AFG2A: variants seen among roughly 807,000 people sequenced by gnomAD.
AFG2A encodes the protein AAA ATPase AFG2A.
At chr4:123,252,031 G>A in the AFG2A span, among the ~76,000 whole-genome samples, 2 of 151,994 alleles carry the variant, frequency 1.3e-5, no homozygotes, top group African/African-American at 2.4e-5. Context: ...TCCATGATTA[G>A]AGTTTGGGAA....
the AFG2A span, among the ~76,000 whole-genome samples, chr4:123,010,142 T>C: frequency 6.6e-6 from 1 of 152,202 alleles, no homozygotes; most frequent in Non-Finnish European, 1.5e-5. Context: ...GCATAACTTT[T>C]CCATTATTCA....
chr4:123,036,384 G>T, the AFG2A span, among the ~76,000 whole-genome samples: 1 of 152,142 alleles, frequency 6.6e-6, no homozygotes, highest in African/African-American at 2.4e-5. Flanking sequence ...GGTTGGAGGT[G>T]AGAGAGAAAA....
At chr4:122,971,061 A>AT in the AFG2A span, among the ~76,000 whole-genome samples, 6 of 151,984 alleles carry the variant, frequency 3.9e-5, no homozygotes, top group East Asian at 3.9e-4. Flanking sequence ...AGAAAAAGTA[A>AT]TTTTTTTTGT....
At chr4:123,159,219 G>T in the AFG2A span, among the ~76,000 whole-genome samples, 2 of 151,982 alleles carry the variant, frequency 1.3e-5, no homozygotes, top group Non-Finnish European at 2.9e-5. Flanking sequence ...TTATTATTTC[G>T]TTTTCTTTTG....
At chr4:123,207,048 A>AT in the AFG2A span, among the ~76,000 whole-genome samples, 2 of 152,194 alleles carry the variant, frequency 1.3e-5, no homozygotes, top group Non-Finnish European at 2.9e-5. Flanking sequence ...TGACAGCCTC[A>AT]TGGAAGCAAT....
chr4:123,091,513 G>A, the AFG2A span, among the ~76,000 whole-genome samples: 23 of 151,992 alleles, frequency 1.5e-4, no homozygotes, highest in African/African-American at 4.1e-4. Flanking sequence ...TCATCTATAC[G>A]AAGGTACATT....
the AFG2A span, chr4:122,934,538 C>T: frequency 2.5e-6 from 4 of 1,614,098 alleles, no homozygotes; most frequent in Non-Finnish European, 3.4e-6. Context: ...AGCATAGGAG[C>T]AAAGTGCAAT....
the AFG2A span, among the ~76,000 whole-genome samples, chr4:123,308,719 T>G: frequency 8.5e-5 from 13 of 152,182 alleles, no homozygotes; most frequent in African/African-American, 3.1e-4. Context: ...ATATGAAACA[T>G]AAGTAACTAA....
the AFG2A span, among the ~76,000 whole-genome samples, chr4:123,177,282 T>C: frequency 6.7e-6 from 1 of 148,212 alleles, no homozygotes; most frequent in Non-Finnish European, 1.5e-5. Flanking sequence ...AGCCTCCGCC[T>C]CCCAGGTTCA....
the AFG2A span, among the ~76,000 whole-genome samples, chr4:123,046,815 G>T: frequency 6.6e-6 from 1 of 151,914 alleles, no homozygotes; most frequent in Non-Finnish European, 1.5e-5. Flanking sequence ...CTCAGGCTCT[G>T]GTAACCACCA....
chr4:123,114,789 C>T, the AFG2A span, among the ~76,000 whole-genome samples: 48 of 152,380 alleles, frequency 3.2e-4, 2 homozygotes, highest in South Asian at 9.1e-3. Flanking sequence ...GCCTTCTCTG[C>T]ATCTCCCACA....
the AFG2A span, among the ~76,000 whole-genome samples, chr4:122,929,912 G>A: frequency 6.6e-6 from 1 of 152,074 alleles, no homozygotes; most frequent in Non-Finnish European, 1.5e-5. Context: ...ATAGACTAAG[G>A]ACTTTGATTT....
At chr4:122,970,334 A>G in the AFG2A span, among the ~76,000 whole-genome samples, 3 of 152,158 alleles carry the variant, frequency 2.0e-5, no homozygotes, top group Non-Finnish European at 4.4e-5. Flanking sequence ...CTTGCTGTAT[A>G]GTAGGCCATA....
the AFG2A span, among the ~76,000 whole-genome samples, chr4:123,211,374 T>C: frequency 1.3e-5 from 2 of 152,080 alleles, no homozygotes; most frequent in African/African-American, 4.8e-5. Context: ...CCAGTTTTAT[T>C]GGTGAGGTAG....
the AFG2A span, among the ~76,000 whole-genome samples, chr4:123,132,807 G>A: frequency 7.1e-6 from 1 of 141,138 alleles, no homozygotes; most frequent in Non-Finnish European, 1.5e-5. Context: ...TTGAGACGGA[G>A]TCTCGCTCTG....
At chr4:122,998,144 AT>A in the AFG2A span, among the ~76,000 whole-genome samples, 1 of 152,102 alleles carries the variant, frequency 6.6e-6, no homozygotes, top group Non-Finnish European at 1.5e-5. Context: ...TTTAAAAAAA[AT>A]TTTTGATTAA....
the AFG2A span, chr4:122,923,142 C>T: frequency 1.2e-6 from 2 of 1,614,040 alleles, no homozygotes; most frequent in African/African-American, 2.7e-5. Flanking sequence ...ACCTTGTGAC[C>T]ATGTCTTCCA....
chr4:123,250,848 G>T, the AFG2A span, among the ~76,000 whole-genome samples: 1 of 152,126 alleles, frequency 6.6e-6, no homozygotes, highest in Non-Finnish European at 1.5e-5. Flanking sequence ...AATAGAACAT[G>T]CTATTATTCA....
the AFG2A span, among the ~76,000 whole-genome samples, chr4:123,167,634 A>G: frequency 6.6e-6 from 1 of 152,238 alleles, no homozygotes; most frequent in Non-Finnish European, 1.5e-5. Flanking sequence ...GGCGTGAGCC[A>G]CTGTGCCCGG....
Sources: gnomAD v4.1 joint callset for allele counts (sites outside exome capture counted in the v4.1 genomes callset) on GRCh38, gnomAD v4.1.1 for gene constraint, MANE v1.5 for transcripts, NCBI Gene and HGNC (gene_info 2026-07-23, HGNC 2026-07-21) for gene names.